SETBP1: variants seen among roughly 807,000 people sequenced by gnomAD.
SETBP1 encodes SET binding protein 1.
Under a neutral mutation model 101.0 loss-of-function variants are expected in SETBP1, and 9 were observed. The observed-to-expected ratio is 0.09, with a 90% CI of 0.05 to 0.16. The LOEUF is 0.16. Among genes scored for constraint, SETBP1 ranks in the 10% least tolerant of loss-of-function variants. The pLI is 1.00. For missense variants in SETBP1, 1,858 were observed against 2,033.8 expected (o/e 0.91, Z 1.66); for synonymous variants, 818 against 788.5 (o/e 1.04, Z -0.63).
At chr18:44,857,220 T>C (rs1281907466) in intron 2 of SETBP1, among the ~76,000 whole-genome samples, 2 of 152,226 alleles carry the variant, frequency 1.3e-5, no homozygotes, top group African/African-American at 4.8e-5. Flanking sequence ...GAGATACAGA[T>C]AGGCTTTGCC....
At chr18:44,767,169 A>C (rs1157120887) in intron 2 of SETBP1, among the ~76,000 whole-genome samples, 1 of 152,274 alleles carries the variant, frequency 6.6e-6, no homozygotes, top group Non-Finnish European at 1.5e-5. Context: ...CACAGGAAGT[A>C]GTCATCTCCC....
At chr18:45,037,723 G>C (rs1284971087) in intron 4 of SETBP1, among the ~76,000 whole-genome samples, 1 of 152,062 alleles carries the variant, frequency 6.6e-6, no homozygotes, top group East Asian at 1.9e-4. Flanking sequence ...GACTCCTCAG[G>C]CTTTTCAGCA....
chr18:44,861,243 T>C (rs1220658813), intron 2 of SETBP1, among the ~76,000 whole-genome samples: 12 of 135,296 alleles, frequency 8.9e-5, no homozygotes, highest in Non-Finnish European at 1.3e-4. Context: ...TTTTTTTTTT[T>C]TTTTTTTTTT....
chr18:44,727,219 T>TGTGTGTGTGTG (rs1555673193), intron 2 of SETBP1, among the ~76,000 whole-genome samples: 20 of 151,398 alleles, frequency 1.3e-4, no homozygotes, highest in Middle Eastern at 3.4e-3. Flanking sequence ...TGTGTGTGTG[T>TGTGTGTGTGTG]TGATACCCAA....
intron 2 of SETBP1, among the ~76,000 whole-genome samples, chr18:44,787,098 A>C (rs576008620): frequency 1.3e-5 from 2 of 152,310 alleles, no homozygotes; most frequent in African/African-American, 4.8e-5. Context: ...TAGAAGGGAC[A>C]ATAGTGCTTT....
At chr18:45,001,489 ACAGAGTAGGCTG>A (rs2072617902) in intron 4 of SETBP1, among the ~76,000 whole-genome samples, 1 of 152,132 alleles carries the variant, frequency 6.6e-6, no homozygotes, top group Admixed American at 6.5e-5. Context: ...AGCTACCTAT[ACAGAGTAGGCTG>A]CCCGAAGAGG....
chr18:44,855,700 C>A (rs2072960967), intron 2 of SETBP1, among the ~76,000 whole-genome samples: 1 of 152,166 alleles, frequency 6.6e-6, no homozygotes, highest in Non-Finnish European at 1.5e-5. Context: ...GGTGATTCCC[C>A]CACCCAGAGA....
At chr18:44,878,627 C>T (rs2069462843) in intron 3 of SETBP1, among the ~76,000 whole-genome samples, 1 of 152,072 alleles carries the variant, frequency 6.6e-6, no homozygotes, top group Non-Finnish European at 1.5e-5. Flanking sequence ...TTCTTAATTC[C>T]TTTATCAGGA....
chr18:44,870,604 G>T (rs563311413), intron 3 of SETBP1: 1 of 152,218 alleles, frequency 6.6e-6, no homozygotes, highest in East Asian at 1.9e-4. Flanking sequence ...CTTCCAGTTG[G>T]GCTAAGGGAA....
intron 4 of SETBP1, among the ~76,000 whole-genome samples, chr18:44,980,299 C>A (rs1044218909): frequency 1.3e-5 from 2 of 152,052 alleles, no homozygotes; most frequent in Non-Finnish European, 2.9e-5. Context: ...TAGGGCTCAG[C>A]ATTATTTGAT....
intron 4 of SETBP1, among the ~76,000 whole-genome samples, chr18:45,021,077 A>G (rs2073054415): frequency 6.6e-6 from 1 of 152,216 alleles, no homozygotes; most frequent in Non-Finnish European, 1.5e-5. Flanking sequence ...GGTCTGGCAG[A>G]CATCCTTCTT....
In SETBP1 at chr18:44,720,922, C is replaced by T. The variant is rs551946858; in HGVS notation, c.486+19090C>T. On this transcript the variant is annotated intron_variant, in intron 2 of 5. Coordinates refer to ENST00000649279, the MANE Select transcript of SETBP1 (RefSeq NM_015559.3). Reference sequence around the variant, plus strand: ...TCCAACCCCCACCCCCCACCCCAACCCCTTGGGGAGAAGAGAATGAAGGAA... The same window carrying T: ...TCCAACCCCCACCCCCCACCCCAACTCCTTGGGGAGAAGAGAATGAAGGAA... 2.8e-5 allele frequency among the ~76,000 whole-genome samples: 4 copies of T among 144,682 alleles called. No homozygotes were observed. In the East Asian group the frequency reaches 6.5e-4, roughly 24 times the overall value. 94.9% of individuals were successfully genotyped at this position (144,682 alleles called of 152,430 possible). A position where few individuals can be genotyped will look rare whatever the true frequency, so the allele number is the denominator to read the frequency against.
intron 2 of SETBP1, among the ~76,000 whole-genome samples, chr18:44,715,222 G>T (rs2069436948): frequency 6.6e-6 from 1 of 152,162 alleles, no homozygotes; most frequent in Non-Finnish European, 1.5e-5. Flanking sequence ...GTAAACTCCA[G>T]CACTGCAGCT....
At chr18:44,757,312 A>G (rs1290833301) in intron 2 of SETBP1, among the ~76,000 whole-genome samples, 2 of 152,232 alleles carry the variant, frequency 1.3e-5, no homozygotes, top group African/African-American at 2.4e-5. Context: ...CTTAGTCTCC[A>G]TTAGTGGTTT....
At chr18:44,842,790 A>G (rs2072644915) in intron 2 of SETBP1, among the ~76,000 whole-genome samples, 1 of 152,190 alleles carries the variant, frequency 6.6e-6, no homozygotes, top group Non-Finnish European at 1.5e-5. Context: ...TTCCATTTGG[A>G]CACCCTGCTT....
rs1428277757 is a variant in SETBP1 at position 45,066,761 on chromosome 18, G to C, written c.*3063G>C. On this transcript the variant is annotated 3_prime_UTR_variant, in exon 6 of 6. Transcript: ENST00000649279. ...TATTTCATTATAAGAGAAACCCCTT[G>C]ATTTTTATTTCTTTTTCTTTTGTTT... 1 of 151,306 alleles carries C rather than the reference G, an allele frequency of 6.6e-6. No homozygotes were observed. The highest frequency in any genetic ancestry group is 6.6e-5 in the Admixed American group (1 of 15,194). 9.4% of individuals were successfully genotyped at this position (151,306 alleles called of 1,614,324 possible).
intron 2 of SETBP1, among the ~76,000 whole-genome samples, chr18:44,771,342 G>A (rs2144635076): frequency 1.4e-5 from 2 of 146,342 alleles, no homozygotes; most frequent in Admixed American, 1.4e-4. Context: ...ATGGTGCATG[G>A]GTGCACAGGT....
At chr18:45,009,685 T>C (rs906000812) in intron 4 of SETBP1, among the ~76,000 whole-genome samples, 1 of 152,080 alleles carries the variant, frequency 6.6e-6, no homozygotes. Context: ...AATTTGGGCC[T>C]CTCTATGAAA....
rs34414710 is a variant in SETBP1 at position 44,937,454 on chromosome 18, C to CAA, written c.541-12406_541-12405dup. ...TGGGCGACAGAGCGAGACTCCGTCT[C>CAA]AAAAAAAAAAAAAAAAAAAAAAGAT... On this transcript the variant is annotated intron_variant, in intron 3 of 5. Coordinates refer to ENST00000649279, the MANE Select transcript of SETBP1 (RefSeq NM_015559.3). Among the ~76,000 whole-genome samples, 428 of 83,036 alleles carry CAA rather than the reference C, an allele frequency of 5.2e-3. 3 individuals are homozygous for CAA. Among genetic ancestry groups the CAA allele is most frequent in the Admixed American group, 0.025 (179 of 7,232 alleles). 54.5% of individuals were successfully genotyped at this position (83,036 alleles called of 152,430 possible). A position where few individuals can be genotyped will look rare whatever the true frequency, so the allele number is the denominator to read the frequency against.
Sources: gnomAD v4.1 joint callset for allele counts (sites outside exome capture counted in the v4.1 genomes callset) on GRCh38, gnomAD v4.1.1 for gene constraint, MANE v1.5 for transcripts, NCBI Gene and HGNC (gene_info 2026-07-23, HGNC 2026-07-21) for gene names.